The following DCLRE1B variants were observed in gnomAD, a reference collection of about 807,000 sequenced individuals.
The protein encoded by DCLRE1B is 5' exonuclease Apollo.
A neutral mutation model predicts 19.8 loss-of-function variants in DCLRE1B; 6 were observed. The ratio of observed to expected loss-of-function variants is 0.30; its 90% confidence interval spans 0.17 to 0.60. The LOEUF is 0.60. Ranked by LOEUF, DCLRE1B falls within the 20% of genes least tolerant of loss-of-function variation. The pLI is 0.87. For missense variants in DCLRE1B, 622 were observed against 654.2 expected (o/e 0.95, Z 0.54); for synonymous variants, 258 against 255.7 (o/e 1.01, Z -0.09).
rs141544518 is a variant in DCLRE1B at position 113,905,743 on chromosome 1, A to G, written c.157A>G (p.Ile53Val). 31 of 1,613,654 alleles carry G rather than the reference A, an allele frequency of 1.9e-5. No homozygotes were observed. The African/African-American group carries it at 2.5e-4, about 13-fold the overall frequency. Reference sequence around the variant, plus strand: ...GGCCCGGCCCCTCTACTGCTCCCCAATTACAGCCCACCTCTTGCATCGTCA... The same window carrying G: ...GGCCCGGCCCCTCTACTGCTCCCCAGTTACAGCCCACCTCTTGCATCGTCA... ...TWARPLYCSPITAHLLHRHLQ... is the reference protein window; with the variant it reads ...TWARPLYCSPVTAHLLHRHLQ... The change falls in exon 1 of 4, where the codon ATT becomes GTT. Residue 53 changes from isoleucine to valine, a missense_variant. By Grantham distance (29) the Ile-to-Val change is conservative. Coordinates refer to ENST00000650450, the MANE Select transcript of DCLRE1B (RefSeq NM_022836.4).
In DCLRE1B at chr1:113,911,294, T is replaced by C. The variant is rs1369751809; in HGVS notation, c.702T>C (p.His234=). Residue 234 remains histidine (H), a synonymous_variant, in exon 4 of 4, where the codon CAT becomes CAC. Coordinates refer to ENST00000650450, the MANE Select transcript of DCLRE1B (RefSeq NM_022836.4). ...CTGGCCGCATCCATGCAGTAGACCA[T>C]ATGGAGATCTGCCATTCCAACATGC... The part of the protein sequence containing the change: ...EKAGRIHAVD[H]MEICHSNMLR... 1.9e-6 allele frequency: 3 copies of C among 1,614,002 alleles called. No homozygotes were observed. Among genetic ancestry groups the C allele is most frequent in the African/African-American group, 2.7e-5 (2 of 74,880 alleles).
rs1669330008 is a variant in DCLRE1B, at chr1:113,913,209, A to T, written c.*1018A>T. The T allele has an allele frequency of 6.5e-6, 1 of 152,744 alleles. No homozygotes were observed. The highest frequency in any genetic ancestry group is 1.5e-5 in the Non-Finnish European group (1 of 68,088). The allele number at this position is 152,744 out of a possible 1,614,324, so 9.5% of individuals were successfully genotyped here. On this transcript the variant is annotated 3_prime_UTR_variant, in exon 4 of 4. Transcript: ENST00000650450. ...TGCTCATAACCTGACAAAATGCCAA[A>T]CTAGTAAGCAGGATAGCTGATACCA...
chr1:113,911,436 C>A lies in DCLRE1B; in HGVS notation c.844C>A (p.Leu282Ile). ...CTCTGACCATTCCTCTTACTCCGAG[C>A]TTCGTGCCTTTGTCGCAGCACTGAA... The part of the protein sequence containing the change: ...PYSDHSSYSE[L>I]RAFVAALKPC... Residue 282 changes from leucine to isoleucine, a missense_variant, in exon 4 of 4, where the codon CTT (leucine) becomes ATT (isoleucine). Transcript: ENST00000650450. 2.5e-6 allele frequency: 4 copies of A among 1,614,216 alleles called. No individual in the cohort carries two copies. The highest frequency in any genetic ancestry group is 2.5e-6 in the Non-Finnish European group (3 of 1,180,046).
rs370718353 is a variant in DCLRE1B at position 113,905,863 on chromosome 1, G to C, written c.189+88G>C. The C allele has an allele frequency of 6.3e-6, 9 of 1,429,986 alleles. No individual in the cohort carries two copies. The African/African-American group carries it at 1.0e-4, about 16-fold the overall frequency. 88.6% of individuals were successfully genotyped at this position (1,429,986 alleles called of 1,614,324 possible). The stretch of plus-strand genomic sequence containing the variant: ...TCATTCTTGGAGTCATAGAATGGGG[G>C]CCACGAAAACTGATTTGGAAGTTGT... On this transcript the variant is annotated intron_variant, in intron 1 of 3. Transcript: ENST00000650450.
chr1:113,907,234 T>TTTTTTTTTA lies in DCLRE1B; in HGVS notation c.355+73_355+74insTTTTTTTTA, dbSNP rs369506973. 71 of 991,282 alleles carry TTTTTTTTTA rather than the reference T, an allele frequency of 7.2e-5. 1 individual carries two copies. The highest frequency in any genetic ancestry group is 1.5e-4 in the South Asian group (8 of 52,202). 61.4% of individuals were successfully genotyped at this position (991,282 alleles called of 1,614,324 possible). A position where few individuals can be genotyped will look rare whatever the true frequency, so the allele number is the denominator to read the frequency against. On this transcript the variant is annotated intron_variant, in intron 2 of 3. Transcript: ENST00000650450. Reference sequence around the variant, plus strand: ...TTTTTTTTTTTTTTTTTTTTTTTTTTAATGTATAGACTGGGGCCTCGCAGT... The same window carrying TTTTTTTTTA: ...TTTTTTTTTTTTTTTTTTTTTTTTTTTTTTTTTTAAATGTATAGACTGGGGCCTCGCAGT...
chr1:113,908,254 C>G, intron 3 of DCLRE1B, 63 bp downstream of exon 3: 1 of 1,556,520 alleles, frequency 6.4e-7, no homozygotes, highest in Non-Finnish European at 8.7e-7. Context: ...TTTAAGGATT[C>G]TCACATCTTT....
In DCLRE1B at chr1:113,907,204, G is replaced by GTT. The variant is rs71090746; in HGVS notation, c.355+72_355+73dup. ...TCCCAGTGACTTCTCCAGACTAGAT[G>GTT]TTTTTTTTTTTTTTTTTTTTTTTTT... On this transcript the variant is annotated intron_variant, in intron 2 of 3. Coordinates refer to ENST00000650450, the MANE Select transcript of DCLRE1B (RefSeq NM_022836.4). The GTT allele has an allele frequency of 9.0e-4, 441 of 492,342 alleles. 27 individuals are homozygous for GTT. Among genetic ancestry groups the GTT allele is most frequent in the African/African-American group, 8.0e-3 (138 of 17,234 alleles). The allele number at this position is 492,342 out of a possible 1,614,324, so 30.5% of individuals were successfully genotyped here.
rs771842799 is a variant in DCLRE1B at position 113,911,552 on chromosome 1, G to A, written c.960G>A (p.Pro320=). 5.6e-6 allele frequency: 9 copies of A among 1,611,752 alleles called. No individual in the cohort carries two copies. The highest frequency in any genetic ancestry group is 1.3e-5 in the African/African-American group (1 of 74,844). ...LSPRISVPLI[P]DSVQQYMSSS... ...CCAGGATCTCCGTGCCCCTGATTCC[G>A]GACTCTGTACAGCAATACATGAGTT... Residue 320 remains proline, a synonymous_variant, in exon 4 of 4, where the codon CCG becomes CCA. Coordinates refer to ENST00000650450, the MANE Select transcript of DCLRE1B (RefSeq NM_022836.4).
Position 113,905,363 on chromosome 1 carries a change from T to G in DCLRE1B, c.-224T>G. ...CGGCTCGGCCTCCGCTCCCGCGCGG[T>G]TGGGAGTGTCCAGCGCCCTCCGCGA... On this transcript the variant is annotated 5_prime_UTR_variant, in exon 1 of 4. Coordinates refer to ENST00000650450, the MANE Select transcript of DCLRE1B (RefSeq NM_022836.4). 1.8e-6 allele frequency: 1 copy of G among 541,852 alleles called. No homozygotes were observed. The highest frequency in any genetic ancestry group is 3.3e-5 in the East Asian group (1 of 30,500). 33.6% of individuals were successfully genotyped at this position (541,852 alleles called of 1,614,324 possible).
chr1:113,907,626 C>T (rs542172709), intron 2 of DCLRE1B, among the ~76,000 whole-genome samples: 34 of 152,158 alleles, frequency 2.2e-4, no homozygotes, highest in African/African-American at 7.2e-4. Flanking sequence ...CCTGCCACCA[C>T]GCCCAGCTAA....
intron 2 of DCLRE1B, among the ~76,000 whole-genome samples, chr1:113,907,464 G>GT (rs1045467138): frequency 1.4e-4 from 21 of 149,590 alleles, no homozygotes; most frequent in African/African-American, 2.5e-4. Context: ...ATTTCCCACT[G>GT]TTTTTTTTTC....
rs1477319631 is a variant in DCLRE1B, at chr1:113,907,169, T to A, written c.355+8T>A. On this transcript the variant is annotated splice_region_variant and intron_variant, in intron 2 of 3. Transcript: ENST00000650450. ...GAACCATCCTCTACACAGGTGGGCC[T>A]CTCAAGGAATCCCAGTGACTTCTCC... 6 of 1,421,760 alleles carry A rather than the reference T, an allele frequency of 4.2e-6. No individual in the cohort carries two copies. The highest frequency in any genetic ancestry group is 5.8e-6 in the Non-Finnish European group (6 of 1,034,412). 88.1% of individuals were successfully genotyped at this position (1,421,760 alleles called of 1,614,324 possible). A position where few individuals can be genotyped will look rare whatever the true frequency, so the allele number is the denominator to read the frequency against.
intron 2 of DCLRE1B, among the ~76,000 whole-genome samples, chr1:113,907,474 CCTT>C (rs1052926776): frequency 2.7e-5 from 4 of 150,600 alleles, no homozygotes; most frequent in African/African-American, 7.3e-5. Flanking sequence ...GTTTTTTTTT[CCTT>C]CTTCTTTTTG....
In DCLRE1B at chr1:113,911,698, A is replaced by T. The variant is rs1024613624; in HGVS notation, c.1106A>T (p.Asp369Val). The change falls in exon 4 of 4, where the codon GAC (aspartate) becomes GTC (valine). Residue 369 changes from aspartate to valine, a missense_variant. Around this residue, in one of 3 missense-constraint regions of DCLRE1B, gnomAD observed 382 missense variants for 412.5 expected, o/e 0.93. Coordinates refer to ENST00000650450, the MANE Select transcript of DCLRE1B (RefSeq NM_022836.4). The stretch of plus-strand genomic sequence containing the variant: ...GCTGATCAATCTCAAGCTGACAGAG[A>T]CTCAAAGAAGGCCAAGAAAGAGAAA... ...ESADQSQADR[D>V]SKKAKKEKLS... The T allele has an allele frequency of 1.9e-6, 3 of 1,613,962 alleles. No individual in the cohort carries two copies. Among genetic ancestry groups the T allele is most frequent in the Non-Finnish European group, 2.5e-6 (3 of 1,179,944 alleles).
In DCLRE1B at chr1:113,908,068, A is replaced by G; in HGVS notation, c.415A>G (p.Ile139Val). ...GCCAGCCCTGACACTGGGGAAACAG[A>G]TCCATACTTTATACCTAGACAACAC... ...KEPALTLGKQ[I>V]HTLYLDNTNC... Residue 139 changes from isoleucine to valine, a missense_variant, in exon 3 of 4, where the codon ATC becomes GTC. Ile to Val is a conservative substitution (Grantham distance 29). Around this residue, in one of 3 missense-constraint regions of DCLRE1B, gnomAD observed 237 missense variants for 223.8 expected, o/e 1.06. Coordinates refer to ENST00000650450, the MANE Select transcript of DCLRE1B (RefSeq NM_022836.4). 6.2e-7 allele frequency: 1 copy of G among 1,614,188 alleles called. No homozygotes were observed. The highest frequency in any genetic ancestry group is 8.5e-7 in the Non-Finnish European group (1 of 1,180,032).
At chr1:113,906,003 C>T (rs1334576183) in intron 1 of DCLRE1B, among the ~76,000 whole-genome samples, 3 of 150,018 alleles carry the variant, frequency 2.0e-5, no homozygotes, top group South Asian at 2.1e-4. Context: ...GGAAACTATT[C>T]CTACCTTTAT....
chr1:113,908,582 G>A (rs1234035812), intron 3 of DCLRE1B, among the ~76,000 whole-genome samples: 1 of 152,198 alleles, frequency 6.6e-6, no homozygotes, highest in African/African-American at 2.4e-5. Context: ...TTGCACTCCA[G>A]CCTGGATGAC....
Position 113,905,754 on chromosome 1 carries a change from C to T in DCLRE1B, c.168C>T (p.His56=), listed in dbSNP as rs1365632241. The change falls in exon 1 of 4, where the codon CAC becomes CAT. Residue 56 remains histidine (H), a synonymous_variant. Coordinates refer to ENST00000650450, the MANE Select transcript of DCLRE1B (RefSeq NM_022836.4). ...RPLYCSPITA[H]LLHRHLQVSK... ...TCTACTGCTCCCCAATTACAGCCCACCTCTTGCATCGTCACCTACAGGTAT... is the reference window on the plus strand; with the variant it reads ...TCTACTGCTCCCCAATTACAGCCCATCTCTTGCATCGTCACCTACAGGTAT... 3.1e-6 allele frequency: 5 copies of T among 1,613,584 alleles called. No individual in the cohort carries two copies. Among genetic ancestry groups the T allele is most frequent in the Admixed American group, 1.7e-5 (1 of 59,926 alleles).
rs2101078788 is a variant in DCLRE1B, at chr1:113,914,075, A to G, written c.*1884A>G. 1.3e-5 allele frequency: 2 copies of G among 152,326 alleles called. 1 individual carries two copies. The highest frequency in any genetic ancestry group is 4.1e-4 in the South Asian group (2 of 4,834). The allele number at this position is 152,326 out of a possible 1,614,324, so 9.4% of individuals were successfully genotyped here. A position where few individuals can be genotyped will look rare whatever the true frequency, so the allele number is the denominator to read the frequency against. On this transcript the variant is annotated 3_prime_UTR_variant, in exon 4 of 4. Transcript: ENST00000650450. ...CTAATTACATATATTACAATGAACA[A>G]CCTTATGCATATATTTTGCATTTTT... is the stretch of plus-strand genomic sequence containing the variant.
Sources: allele counts gnomAD v4.1 joint callset (sites outside exome capture counted in the v4.1 genomes callset), GRCh38; gene constraint gnomAD v4.1.1; regional missense constraint gnomAD v4.1.1; transcripts MANE v1.5; gene names NCBI Gene and HGNC (gene_info 2026-07-23, HGNC 2026-07-21).